The following CDH8 variants were observed in gnomAD, a reference collection of about 807,000 sequenced individuals.
CDH8 encodes the protein cadherin-8.
In CDH8, 17 loss-of-function variants were observed where a neutral mutation model predicts 68.1. The ratio of observed to expected loss-of-function variants is 0.25; its 90% CI spans 0.17 to 0.37. CDH8 has a LOEUF of 0.37. CDH8 is among the 10% of genes least tolerant of loss of function. CDH8 has a pLI of 1.00. For synonymous variants in CDH8, 372 were observed against 365.1 expected, an observed-to-expected ratio of 1.02 and a Z score of -0.21; for missense variants, 763 against 999.3, an observed-to-expected ratio of 0.76 and a Z score of 3.19.
chr16:61,858,486 A>G (rs1567503157), intron 3 of CDH8, among the ~76,000 whole-genome samples: 1 of 152,210 alleles, frequency 6.6e-6, no homozygotes, highest in Non-Finnish European at 1.5e-5. Flanking sequence ...AAGTGCTGGA[A>G]ACATAATGGT....
rs72539033 is a variant in CDH8 at position 61,647,469 on chromosome 16, T to TG, written c.*6138dup. ...TTAAAGCAGAGTAACGTTGGAAAGG[T>TG]GGGGGGGGTGATCCCAGTGACTCCT... On this transcript the variant is annotated 3_prime_UTR_variant, in exon 12 of 12. Transcript: ENST00000577390. 5.2e-4 allele frequency: 116 copies of TG among 222,878 alleles called. No homozygotes were observed. Among genetic ancestry groups the TG allele is most frequent in the South Asian group, 3.9e-3 (40 of 10,330 alleles). The allele number at this position is 222,878 out of a possible 1,614,324, so 13.8% of individuals were successfully genotyped here.
chr16:62,027,111 A>G (rs886709976), intron 1 of CDH8, among the ~76,000 whole-genome samples: 3 of 151,950 alleles, frequency 2.0e-5, no homozygotes, highest in Admixed American at 6.6e-5. Context: ...ATTTACACTC[A>G]GATAGTGAGA....
At chr16:61,714,067 T>C (rs1233315956) in intron 9 of CDH8, 109 bp from the exon 10 acceptor site, 12 of 743,508 alleles carry the variant, frequency 1.6e-5, no homozygotes, top group Non-Finnish European at 2.6e-5. Flanking sequence ...GCTCAGAGAC[T>C]CTTTTTCAGC....
chr16:62,028,047 T>A (rs1902235371), intron 1 of CDH8, among the ~76,000 whole-genome samples: 2 of 151,328 alleles, frequency 1.3e-5, no homozygotes, highest in Admixed American at 6.6e-5. Context: ...TCCAGAATAA[T>A]ATCTGTCAAA....
At chr16:61,898,043 T>C (rs1963900114) in intron 3 of CDH8, among the ~76,000 whole-genome samples, 1 of 152,138 alleles carries the variant, frequency 6.6e-6, no homozygotes, top group Admixed American at 6.6e-5. Context: ...GGTTCACAAC[T>C]GTAATCCCAG....
At chr16:61,780,743 A>G (rs1961028967) in intron 8 of CDH8, among the ~76,000 whole-genome samples, 1 of 152,196 alleles carries the variant, frequency 6.6e-6, no homozygotes, top group African/African-American at 2.4e-5. Context: ...AAATAATCAA[A>G]TCAAGTCAAA....
chr16:61,679,380 A>G (rs1177784073), intron 10 of CDH8, among the ~76,000 whole-genome samples: 1 of 152,026 alleles, frequency 6.6e-6, no homozygotes, highest in Non-Finnish European at 1.5e-5. Flanking sequence ...TGATTACCAT[A>G]TGTTATTAAG....
intron 10 of CDH8, among the ~76,000 whole-genome samples, chr16:61,703,579 G>A (rs1269259156): frequency 6.6e-6 from 1 of 152,124 alleles, no homozygotes; most frequent in Non-Finnish European, 1.5e-5. Flanking sequence ...GGTGGCTCAC[G>A]CCTGTAATCT....
At chr16:61,968,424 G>A (rs923918021) in intron 2 of CDH8, among the ~76,000 whole-genome samples, 2 of 152,114 alleles carry the variant, frequency 1.3e-5, no homozygotes, top group Admixed American at 1.3e-4. Context: ...TGAGACCTAG[G>A]ACAGGTAAAG....
chr16:61,838,476 C>T (rs1449736276), intron 4 of CDH8, among the ~76,000 whole-genome samples: 2 of 152,082 alleles, frequency 1.3e-5, no homozygotes, highest in Non-Finnish European at 2.9e-5. Flanking sequence ...GGTGTCTCCG[C>T]AAGATTCTCT....
intron 4 of CDH8, among the ~76,000 whole-genome samples, chr16:61,839,820 C>T (rs1962644957): frequency 6.6e-6 from 1 of 152,106 alleles, no homozygotes; most frequent in Non-Finnish European, 1.5e-5. Flanking sequence ...GCTCACAGTT[C>T]AAATGATGAG....
intron 4 of CDH8, among the ~76,000 whole-genome samples, chr16:61,852,897 T>TCCTTCCCTTCTTCCTTC (rs149266274): frequency 1.7e-5 from 2 of 121,208 alleles, no homozygotes; most frequent in East Asian, 2.3e-4. Context: ...TTCCTTCCAT[T>TCCTTCCCTTCTTCCTTC]CTTCCTTCCT....
chr16:61,850,526 C>T (rs534780990), intron 4 of CDH8, among the ~76,000 whole-genome samples: 4 of 152,086 alleles, frequency 2.6e-5, no homozygotes, highest in East Asian at 3.9e-4. Flanking sequence ...AAATTAGTTA[C>T]GTTTGGATTT....
chr16:61,736,768 T>G (rs558972969), intron 8 of CDH8, among the ~76,000 whole-genome samples: 82 of 152,290 alleles, frequency 5.4e-4, no homozygotes, highest in African/African-American at 1.9e-3. Flanking sequence ...GCAATAAAAC[T>G]AATCAGATAA....
chr16:61,962,057 A>G (rs779511544), intron 2 of CDH8, among the ~76,000 whole-genome samples: 2 of 152,244 alleles, frequency 1.3e-5, no homozygotes, highest in Non-Finnish European at 2.9e-5. Context: ...ATTGCTATTA[A>G]GAAAACTATA....
intron 3 of CDH8, among the ~76,000 whole-genome samples, chr16:61,861,203 A>C (rs2143017717): frequency 6.6e-6 from 1 of 152,296 alleles, no homozygotes; most frequent in Non-Finnish European, 1.5e-5. Flanking sequence ...ATTTTCAGGC[A>C]GTTTGATACA....
intron 2 of CDH8, among the ~76,000 whole-genome samples, chr16:61,928,032 T>C (rs1054528252): frequency 3.3e-5 from 5 of 152,224 alleles, no homozygotes; most frequent in African/African-American, 1.2e-4. Flanking sequence ...GTTGCACTTT[T>C]GTGACCTACA....
chr16:61,784,108 G>C (rs891171486), intron 8 of CDH8, among the ~76,000 whole-genome samples: 2 of 150,812 alleles, frequency 1.3e-5, no homozygotes, highest in Non-Finnish European at 3.0e-5. Flanking sequence ...AATGTAAATG[G>C]ACTAAATTCT....
chr16:61,694,076 A>C (rs916792029), intron 10 of CDH8, among the ~76,000 whole-genome samples: 1 of 152,208 alleles, frequency 6.6e-6, no homozygotes, highest in African/African-American at 2.4e-5. Context: ...ACGTACACAC[A>C]GAATTAGAAA....
Sources: allele counts gnomAD v4.1 joint callset (sites outside exome capture counted in the v4.1 genomes callset), GRCh38; gene constraint gnomAD v4.1.1; transcripts MANE v1.5; gene names NCBI Gene and HGNC (gene_info 2026-07-23, HGNC 2026-07-21).